MICU1: variants seen among roughly 807,000 people sequenced by gnomAD.
MICU1 encodes the protein mitochondrial calcium uptake 1.
In MICU1, 45 loss-of-function variants were observed where a neutral mutation model predicts 56.8. The observed-to-expected ratio is 0.79, with a 90% CI of 0.62 to 1.02. The LOEUF (loss-of-function observed/expected upper bound fraction) is 1.02, where lower values mean the gene tolerates loss of function less well. Ranked by LOEUF, MICU1 falls within the 50% of genes least tolerant of loss-of-function variation. The probability of loss-of-function intolerance (pLI) is 0.00; values close to 1 mark genes in which losing one functional copy is unlikely to be tolerated. For synonymous variants in MICU1, 186 were observed against 195.1 expected, an observed-to-expected ratio of 0.95 and a Z score of 0.39; for missense variants, 504 against 587.1, an observed-to-expected ratio of 0.86 and a Z score of 1.46.
chr10:72,420,950 C>T (rs1398455289), intron 9 of MICU1, among the ~76,000 whole-genome samples: 9 of 141,216 alleles, frequency 6.4e-5, no homozygotes, highest in Middle Eastern at 8.2e-3. Flanking sequence ...TGCGATGAGC[C>T]GAGATCACGC....
At chr10:72,530,335 A>AAATAATAATAATAATAAT (rs372087915) in intron 5 of MICU1, among the ~76,000 whole-genome samples, 21 of 64,902 alleles carry the variant, frequency 3.2e-4, no homozygotes, top group Non-Finnish European at 1.1e-3. Context: ...CTCCATATCA[A>AAATAATAATAATAATAAT]AATAATAATA....
chr10:72,389,719 A>G (rs888658542), intron 10 of MICU1, among the ~76,000 whole-genome samples: 6 of 152,208 alleles, frequency 3.9e-5, no homozygotes, highest in Non-Finnish European at 5.9e-5. Context: ...GGTGCTTTAC[A>G]GTGGAGCTTT....
At chr10:72,615,446 C>G (rs1391278927) in intron 1 of MICU1, among the ~76,000 whole-genome samples, 1 of 152,132 alleles carries the variant, frequency 6.6e-6, no homozygotes, top group Non-Finnish European at 1.5e-5. Context: ...AAATCTTTCT[C>G]TATTCCTTTT....
chr10:72,373,535 AAGTATAC>A (rs1564833407), intron 11 of MICU1, among the ~76,000 whole-genome samples: 1 of 152,120 alleles, frequency 6.6e-6, no homozygotes, highest in Admixed American at 6.6e-5. Context: ...GCTTTTTGTT[AAGTATAC>A]TTTTTCTTTC....
At chr10:72,380,151 G>T (rs1359808031) in intron 10 of MICU1, among the ~76,000 whole-genome samples, 2 of 152,184 alleles carry the variant, frequency 1.3e-5, no homozygotes, top group Non-Finnish European at 2.9e-5. Flanking sequence ...CAGACCAGTT[G>T]TTGGTACTGG....
intron 2 of MICU1, among the ~76,000 whole-genome samples, chr10:72,564,163 C>T (rs1840367942): frequency 6.6e-6 from 1 of 152,108 alleles, no homozygotes; most frequent in Non-Finnish European, 1.5e-5. Flanking sequence ...ATCTGACTTC[C>T]TACCAGGGCA....
chr10:72,503,897 CACAT>C lies in MICU1; in HGVS notation c.652+4254_652+4257del, dbSNP rs1241612617. ...ACACACACACACACACACACACACA[CACAT>C]ACACCCTAGGAATATACGTGACCAA... On this transcript the variant is annotated intron_variant, in intron 6 of 11. Transcript: ENST00000361114. Among the ~76,000 whole-genome samples the C allele has an allele frequency of 3.5e-5, 5 of 140,928 alleles. No homozygotes were observed. The East Asian group carries it at 7.8e-4, about 22-fold the overall frequency. 92.5% of individuals were successfully genotyped at this position (140,928 alleles called of 152,430 possible).
At chr10:72,492,518 G>A (rs1317288094) in intron 6 of MICU1, among the ~76,000 whole-genome samples, 5 of 151,686 alleles carry the variant, frequency 3.3e-5, no homozygotes, top group Non-Finnish European at 4.4e-5. Context: ...ATCCCAGCAC[G>A]TTGGGAGGTT....
intron 10 of MICU1, among the ~76,000 whole-genome samples, chr10:72,402,524 T>C (rs1056752252): frequency 6.6e-6 from 1 of 152,072 alleles, no homozygotes; most frequent in African/African-American, 2.4e-5. Context: ...TGCTACTGGG[T>C]TGCCGTCTTC....
intron 3 of MICU1, chr10:72,562,668 A>G (rs1840330264): frequency 2.8e-6 from 1 of 363,386 alleles, no homozygotes; most frequent in Non-Finnish European, 4.9e-6. Flanking sequence ...TGAAAGAACT[A>G]AGAAAAAATA....
intron 8 of MICU1, among the ~76,000 whole-genome samples, chr10:72,436,217 T>C (rs1864712818): frequency 6.6e-6 from 1 of 151,794 alleles, no homozygotes; most frequent in Non-Finnish European, 1.5e-5. Context: ...CAATATTTGC[T>C]GTTCTGCAAT....
At chr10:72,474,953 A>G (rs542027078) in intron 8 of MICU1, 147 bp downstream of exon 8, 1 of 648,616 alleles carries the variant, frequency 1.5e-6, no homozygotes, top group African/African-American at 1.8e-5. Flanking sequence ...GTTGTTTCCT[A>G]TCTGCTGTCA....
chr10:72,531,350 T>C (rs1589313989), intron 5 of MICU1: 1 of 152,158 alleles, frequency 6.6e-6, no homozygotes, highest in African/African-American at 2.4e-5. Flanking sequence ...TAACAGAAAA[T>C]TGTCTTAGAA....
chr10:72,622,458 G>A (rs1448375219), intron 1 of MICU1, among the ~76,000 whole-genome samples: 4 of 152,112 alleles, frequency 2.6e-5, no homozygotes, highest in Non-Finnish European at 5.9e-5. Flanking sequence ...CATCACTCTG[G>A]CCACAGGGAC....
At chr10:72,521,919 T>C (rs542556378) in intron 5 of MICU1, among the ~76,000 whole-genome samples, 3 of 152,236 alleles carry the variant, frequency 2.0e-5, no homozygotes, top group African/African-American at 7.2e-5. Flanking sequence ...TTCAATCATT[T>C]TGAAATGTGC....
At chr10:72,541,155 CAAGA>C (rs1296877164) in intron 4 of MICU1, among the ~76,000 whole-genome samples, 6 of 152,222 alleles carry the variant, frequency 3.9e-5, no homozygotes, top group Non-Finnish European at 8.8e-5. Context: ...CATTCCCGGG[CAAGA>C]GCCCGGGAAT....
At chr10:72,545,019 T>C (rs562508716) in intron 4 of MICU1, among the ~76,000 whole-genome samples, 28 of 152,110 alleles carry the variant, frequency 1.8e-4, no homozygotes, top group Non-Finnish European at 3.2e-4. Context: ...GTGTGAAAAA[T>C]ACAACAAAAT....
chr10:72,524,668 T>C (rs1867915888), intron 5 of MICU1: 3 of 1,142,316 alleles, frequency 2.6e-6, no homozygotes, highest in East Asian at 6.4e-5. Context: ...TGAACCTTTG[T>C]TCCTGAAGCA....
chr10:72,443,603 C>T (rs952610935), intron 8 of MICU1, among the ~76,000 whole-genome samples: 1 of 152,260 alleles, frequency 6.6e-6, no homozygotes, highest in African/African-American at 2.4e-5. Flanking sequence ...AGCCAGTTTT[C>T]CCAGCACCAT....
Sources: allele counts gnomAD v4.1 joint callset (sites outside exome capture counted in the v4.1 genomes callset), GRCh38; gene constraint gnomAD v4.1.1; transcripts MANE v1.5; gene names NCBI Gene and HGNC (gene_info 2026-07-23, HGNC 2026-07-21).